PRKCA: variants seen among roughly 807,000 people sequenced by gnomAD.
The protein encoded by PRKCA is protein kinase C alpha type.
In PRKCA, 27 loss-of-function variants were observed where a neutral mutation model predicts 87.0. That is an observed-to-expected ratio of 0.31 (90% CI 0.23 to 0.43). The LOEUF (loss-of-function observed/expected upper bound fraction) is 0.43. Among genes scored for constraint, PRKCA ranks in the 20% least tolerant of loss-of-function variants. The probability of loss-of-function intolerance (pLI) is 1.00; values close to 1 mark genes in which losing one functional copy is unlikely to be tolerated. For missense variants in PRKCA, 518 were observed against 852.3 expected (o/e 0.61, Z 4.88); for synonymous variants, 329 against 311.1 (o/e 1.06, Z -0.61).
At chr17:66,329,389 G>A (rs1906188849) in intron 2 of PRKCA, among the ~76,000 whole-genome samples, 2 of 152,188 alleles carry the variant, frequency 1.3e-5, no homozygotes, top group Admixed American at 1.3e-4. Context: ...GGTGATGCCG[G>A]GAAGGCAGCT....
chr17:66,339,117 T>A (rs935255499), intron 2 of PRKCA, among the ~76,000 whole-genome samples: 1 of 152,178 alleles, frequency 6.6e-6, no homozygotes, highest in African/African-American at 2.4e-5. Context: ...TTGACGGTGC[T>A]TGAATGAAAG....
intron 2 of PRKCA, among the ~76,000 whole-genome samples, chr17:66,332,393 A>T (rs1281988137): frequency 6.6e-6 from 1 of 151,546 alleles, no homozygotes; most frequent in Non-Finnish European, 1.5e-5. Flanking sequence ...ATGGCCAGCT[A>T]ATTTTTGTAT....
chr17:66,658,631 C>T (rs1004146946), intron 5 of PRKCA, among the ~76,000 whole-genome samples: 1 of 152,134 alleles, frequency 6.6e-6, no homozygotes, highest in African/African-American at 2.4e-5. Context: ...TATCATATGG[C>T]GTTGACTTTG....
chr17:66,451,133 T>G (rs1231232427), intron 2 of PRKCA, among the ~76,000 whole-genome samples: 1 of 152,216 alleles, frequency 6.6e-6, no homozygotes, highest in African/African-American at 2.4e-5. Context: ...TATCTTAATT[T>G]AAAATGATGA....
At chr17:66,479,955 G>T (rs1915705227) in intron 2 of PRKCA, among the ~76,000 whole-genome samples, 1 of 149,696 alleles carries the variant, frequency 6.7e-6, no homozygotes, top group East Asian at 2.0e-4. Context: ...AAACCCCCAT[G>T]ACACAAGTTT....
intron 3 of PRKCA, among the ~76,000 whole-genome samples, chr17:66,532,410 G>C (rs1322694849): frequency 2.3e-4 from 34 of 149,744 alleles, no homozygotes. Context: ...CTGTCACCCA[G>C]GGTGGAGTGC....
chr17:66,612,536 T>C (rs1267435339), intron 3 of PRKCA, among the ~76,000 whole-genome samples: 1 of 152,128 alleles, frequency 6.6e-6, no homozygotes, highest in Non-Finnish European at 1.5e-5. Context: ...AATATATAAA[T>C]AGAGTGCACA....
At chr17:66,725,379 A>G (rs1225722506) in intron 8 of PRKCA, among the ~76,000 whole-genome samples, 3 of 152,166 alleles carry the variant, frequency 2.0e-5, no homozygotes, top group Non-Finnish European at 2.9e-5. Context: ...CACAAATGTG[A>G]ATGAATGAGA....
rs1390366297 is a variant in PRKCA at position 66,809,557 on chromosome 17, G to C, written c.*5520G>C. ...CGATTTCCTAAGATTCCAATGCCCT[G>C]GAGCTTGTAGGAGGACTTAGCCTGG... On this transcript the variant is annotated 3_prime_UTR_variant, in exon 17 of 17. Coordinates refer to ENST00000413366, the MANE Select transcript of PRKCA (RefSeq NM_002737.3). 6.6e-6 allele frequency: 1 copy of C among 152,128 alleles called. No individual in the cohort carries two copies. The highest frequency in any genetic ancestry group is 1.5e-5 in the Non-Finnish European group (1 of 68,014). 9.4% of individuals were successfully genotyped at this position (152,128 alleles called of 1,614,324 possible). A position where few individuals can be genotyped will look rare whatever the true frequency, so the allele number is the denominator to read the frequency against.
intron 2 of PRKCA, among the ~76,000 whole-genome samples, chr17:66,458,177 G>A (rs1914658884): frequency 6.6e-6 from 1 of 152,218 alleles, no homozygotes; most frequent in African/African-American, 2.4e-5. Flanking sequence ...TAAAAGTTGA[G>A]TTATTATTGG....
At chr17:66,560,658 T>C (rs540456698) in intron 3 of PRKCA, among the ~76,000 whole-genome samples, 14 of 152,156 alleles carry the variant, frequency 9.2e-5, no homozygotes, top group Non-Finnish European at 1.9e-4. Flanking sequence ...ACCAAACACT[T>C]TGTAAGCCCT....
At chr17:66,663,871 G>A (rs1186756885) in intron 5 of PRKCA, among the ~76,000 whole-genome samples, 1 of 113,320 alleles carries the variant, frequency 8.8e-6, no homozygotes, top group East Asian at 2.5e-4. Flanking sequence ...TTGATTTTGG[G>A]GTTTTTTTTT....
At chr17:66,462,271 T>C (rs1914887981) in intron 2 of PRKCA, among the ~76,000 whole-genome samples, 1 of 152,140 alleles carries the variant, frequency 6.6e-6, no homozygotes, top group South Asian at 2.1e-4. Context: ...AGCTCCTATT[T>C]TGTAGTACAC....
intron 3 of PRKCA, among the ~76,000 whole-genome samples, chr17:66,528,187 C>T (rs944606193): frequency 2.9e-5 from 4 of 137,718 alleles, no homozygotes; most frequent in Admixed American, 8.0e-5. Context: ...CACTGCACTC[C>T]AGCCTGGGTG....
intron 2 of PRKCA, among the ~76,000 whole-genome samples, chr17:66,425,954 A>G (rs1049366209): frequency 5.3e-5 from 8 of 152,178 alleles, no homozygotes; most frequent in Admixed American, 4.6e-4. Flanking sequence ...CTCCGTGACC[A>G]TGCTTTGTGG....
rs563840784 is a variant in PRKCA at position 66,547,022 on chromosome 17, A to G, written c.288+50739A>G. Reference sequence around the variant, plus strand: ...TCCCCTCCTCTGTATTCCTACTACTACTGACTAAGGTGAGCTCCTTGTTAT... The same window carrying G: ...TCCCCTCCTCTGTATTCCTACTACTGCTGACTAAGGTGAGCTCCTTGTTAT... On this transcript the variant is annotated intron_variant, in intron 3 of 16. Coordinates refer to ENST00000413366, the MANE Select transcript of PRKCA (RefSeq NM_002737.3). 2.0e-5 allele frequency among the ~76,000 whole-genome samples: 3 copies of G among 152,234 alleles called. No individual in the cohort carries two copies. In the South Asian group the frequency reaches 6.2e-4, roughly 32 times the overall value.
chr17:66,771,567 T>C (rs1974933395), intron 13 of PRKCA, among the ~76,000 whole-genome samples: 1 of 152,214 alleles, frequency 6.6e-6, no homozygotes. Context: ...TGGATAGTGA[T>C]CATAAACAAT....
intron 1 of PRKCA, among the ~76,000 whole-genome samples, chr17:66,305,763 T>C (rs1166774165): frequency 1.3e-5 from 2 of 152,240 alleles, no homozygotes; most frequent in African/African-American, 2.4e-5. Flanking sequence ...AACTGTTTTG[T>C]TACTTGAATA....
At chr17:66,649,862 G>T (rs1971545801) in intron 5 of PRKCA, among the ~76,000 whole-genome samples, 2 of 152,186 alleles carry the variant, frequency 1.3e-5, no homozygotes, top group South Asian at 4.1e-4. Flanking sequence ...AGGTACTGAG[G>T]GTGGGGAAGG....
Sources: allele counts gnomAD v4.1 joint callset (sites outside exome capture counted in the v4.1 genomes callset), GRCh38; gene constraint gnomAD v4.1.1; transcripts MANE v1.5; gene names NCBI Gene and HGNC (gene_info 2026-07-23, HGNC 2026-07-21).